Variants in ACACA observed in about 807,000 individuals in gnomAD.
ACACA encodes acetyl-CoA carboxylase 1.
Under a neutral mutation model 296.1 loss-of-function variants are expected in ACACA, and 103 were observed. That is an observed-to-expected ratio of 0.35 (90% CI 0.30 to 0.41). ACACA has a LOEUF of 0.41. Among genes scored for constraint, ACACA ranks in the 10% least tolerant of loss-of-function variants. The pLI is 1.00. For synonymous variants in ACACA, 953 were observed against 1,038.6 expected, an observed-to-expected ratio of 0.92 and a Z score of 1.58; for missense variants, 1,554 against 2,989.7, an observed-to-expected ratio of 0.52 and a Z score of 11.20.
chr17:37,324,221 C>A (rs2047482424), intron 3 of ACACA, among the ~76,000 whole-genome samples: 3 of 151,904 alleles, frequency 2.0e-5, no homozygotes, highest in Non-Finnish European at 4.4e-5. Flanking sequence ...ACAAAATTAG[C>A]CAGACGTGGT....
intron 45 of ACACA, among the ~76,000 whole-genome samples, chr17:37,145,649 A>G (rs944696572): frequency 1.3e-5 from 2 of 152,190 alleles, no homozygotes; most frequent in Admixed American, 1.3e-4. Context: ...CAATGAAACT[A>G]AGTCACTTTC....
chr17:37,174,087 C>A, intron 41 of ACACA, among the ~76,000 whole-genome samples: 1 of 131,718 alleles, frequency 7.6e-6, no homozygotes, highest in Non-Finnish European at 1.6e-5. Context: ...TCTCAAACTC[C>A]TGGCGTCAAG....
At chr17:37,308,967 C>G (rs374171425) in intron 3 of ACACA, among the ~76,000 whole-genome samples, 1 of 152,104 alleles carries the variant, frequency 6.6e-6, no homozygotes, top group Non-Finnish European at 1.5e-5. Flanking sequence ...TCTTTTGTGA[C>G]TGTTCCCAAT....
intron 3 of ACACA, among the ~76,000 whole-genome samples, chr17:37,285,703 C>T (rs1334290523): frequency 2.5e-5 from 3 of 121,576 alleles, no homozygotes; most frequent in African/African-American, 1.0e-4. Flanking sequence ...GCCCCAGTTA[C>T]TTGGGGTGGG....
At chr17:37,107,880 G>A (rs1345454293) in intron 52 of ACACA, among the ~76,000 whole-genome samples, 1 of 152,222 alleles carries the variant, frequency 6.6e-6, no homozygotes, top group Non-Finnish European at 1.5e-5. Context: ...TCAGGTCACA[G>A]CACTCAAGAG....
chr17:37,377,102 C>T (rs528137053), intron 1 of ACACA, among the ~76,000 whole-genome samples: 2 of 152,204 alleles, frequency 1.3e-5, no homozygotes, highest in East Asian at 3.9e-4. Flanking sequence ...TAACTAAGAC[C>T]TATGGTTCTG....
rs1333134517 is a variant in ACACA, at chr17:37,097,158, C to T, written c.6729G>A (p.Leu2243=). The part of the protein sequence containing the change: ...MQEKGVISDI[L]DWKTSRTFFY... ...AGAAGGTACGGGATGTTTTCCAATC[C>T]AGGATATCCTACATGCAGAGAAGAA... The change falls in exon 54 of 56, where the codon CTG becomes CTA. Residue 2243 remains leucine (L), a synonymous_variant. Transcript: ENST00000616317. The surrounding 1 kb of genome is among the most constrained non-coding windows in gnomAD (Gnocchi z 4.8). The T allele has an allele frequency of 6.2e-7, 1 of 1,613,468 alleles. No individual in the cohort carries two copies. The highest frequency in any genetic ancestry group is 2.2e-5 in the East Asian group (1 of 44,856).
chr17:37,268,737 CTATCTATATATATA>C (rs1441830210), intron 10 of ACACA, among the ~76,000 whole-genome samples: 15 of 70,932 alleles, frequency 2.1e-4, no homozygotes, highest in Non-Finnish European at 3.1e-4. Flanking sequence ...ATCTATCTAT[CTATCTATATATATA>C]TATATATATA....
chr17:37,390,334 A>ATATATATATATATATATCTAT (rs2050822111), intron 1 of ACACA, among the ~76,000 whole-genome samples: 2 of 93,434 alleles, frequency 2.1e-5, no homozygotes, highest in African/African-American at 4.5e-5. Context: ...ATATATATAT[A>ATATATATATATATATATCTAT]AAAGGCCAGC....
intron 39 of ACACA, among the ~76,000 whole-genome samples, chr17:37,183,554 C>A (rs752067141): frequency 6.6e-6 from 1 of 152,094 alleles, no homozygotes; most frequent in African/African-American, 2.4e-5. Flanking sequence ...GAGGGCCGGG[C>A]GCAGTGGCTC....
chr17:37,361,552 G>A (rs543682595), intron 1 of ACACA, among the ~76,000 whole-genome samples: 2 of 152,292 alleles, frequency 1.3e-5, no homozygotes, highest in South Asian at 4.1e-4. Flanking sequence ...AATTAAGGAA[G>A]GATGAGTTAC....
Position 37,244,688 on chromosome 17 carries a change from A to C in ACACA, c.2642T>G (p.Leu881Arg). 1 of 1,614,174 alleles carries C rather than the reference A, an allele frequency of 6.2e-7. No individual in the cohort carries two copies. Among genetic ancestry groups the C allele is most frequent in the Non-Finnish European group, 8.5e-7 (1 of 1,180,026 alleles). Reference protein sequence around the residue: ...GSLPRIQSTALRGEKLHRVFH... With the variant: ...GSLPRIQSTARRGEKLHRVFH... ...CACTCGATGGAGTTTCTCGCCTCTG[A>C]GTGCCGTGCTCTGGATCCGTGGCAG... is the stretch of plus-strand genomic sequence containing the variant. The change falls in exon 21 of 56, where the codon CTC (leucine) becomes CGC (arginine). Residue 881 changes from leucine (L) to arginine (R), a missense_variant. Transcript: ENST00000616317.
chr17:37,243,998 G>C (rs896400945), intron 21 of ACACA, among the ~76,000 whole-genome samples: 1 of 152,158 alleles, frequency 6.6e-6, no homozygotes, highest in East Asian at 1.9e-4. Flanking sequence ...ACAGGCGTGA[G>C]CCAACTATCA....
At chr17:37,181,456 C>T in intron 39 of ACACA, 100 bp from the exon 40 acceptor site, 1 of 1,356,616 alleles carries the variant, frequency 7.4e-7, no homozygotes, top group Non-Finnish European at 1.0e-6. Context: ...TCTTTGAAAA[C>T]ATTTTTGGTA....
At chr17:37,400,995 T>C (rs912825222) in intron 1 of ACACA, among the ~76,000 whole-genome samples, 5 of 152,158 alleles carry the variant, frequency 3.3e-5, no homozygotes, top group Non-Finnish European at 7.3e-5. Context: ...GCTGTACTAA[T>C]TTACATTCCC....
At chr17:37,105,999 C>T (rs144668578) in intron 52 of ACACA, among the ~76,000 whole-genome samples, 307 of 152,206 alleles carry the variant, frequency 2.0e-3, no homozygotes, top group African/African-American at 7.0e-3. Flanking sequence ...AACATACTCC[C>T]ATCCCTCAAC....
At chr17:37,250,649 T>C (rs1326140873) in intron 16 of ACACA, among the ~76,000 whole-genome samples, 2 of 148,212 alleles carry the variant, frequency 1.3e-5, no homozygotes, top group Non-Finnish European at 3.0e-5. Flanking sequence ...AAAAAAAGAT[T>C]AAGATTAAAC....
chr17:37,106,598 G>A (rs1053905949), intron 52 of ACACA, among the ~76,000 whole-genome samples: 4 of 152,054 alleles, frequency 2.6e-5, no homozygotes, highest in South Asian at 2.1e-4. Flanking sequence ...CATCAGTCCC[G>A]TCCCTGTGTT....
chr17:37,226,604 G>A, intron 25 of ACACA, 152 bp from the exon 26 acceptor site: 2 of 752,146 alleles, frequency 2.7e-6, no homozygotes, highest in Non-Finnish European at 4.4e-6. Context: ...CCTAAACAAT[G>A]TGGTAAAGAA....
Sources: allele counts gnomAD v4.1 joint callset (sites outside exome capture counted in the v4.1 genomes callset), GRCh38; gene constraint gnomAD v4.1.1; non-coding constraint Gnocchi (gnomAD v3.1); transcripts MANE v1.5; gene names NCBI Gene and HGNC (gene_info 2026-07-23, HGNC 2026-07-21).